The following NME5 variants were observed in gnomAD, a reference collection of about 807,000 sequenced individuals.
NME5 encodes the protein NME/NM23 family member 5.
NME5 carries 18 observed loss-of-function variants against 21.6 expected under a neutral mutation model. The observed-to-expected ratio is 0.83, with a 90% CI of 0.58 to 1.24. NME5 has a LOEUF of 1.24. Ranked by LOEUF, NME5 falls within the 50% of genes most tolerant of loss-of-function variation. NME5 has a pLI of 0.00. For missense variants in NME5, 223 were observed against 255.4 expected, an observed-to-expected ratio of 0.87 and a Z score of 0.86; for synonymous variants, 70 against 80.6, an observed-to-expected ratio of 0.87 and a Z score of 0.71.
Position 138,115,555 on chromosome 5 carries a change from A to G in NME5, c.*126T>C. 1 of 543,090 alleles carries G rather than the reference A, an allele frequency of 1.8e-6. No individual in the cohort carries two copies. The highest frequency in any genetic ancestry group is 3.1e-6 in the Non-Finnish European group (1 of 321,278). The allele number at this position is 543,090 out of a possible 1,614,324, so 33.6% of individuals were successfully genotyped here. A position where few individuals can be genotyped will look rare whatever the true frequency, so the allele number is the denominator to read the frequency against. On this transcript the variant is annotated 3_prime_UTR_variant, in exon 6 of 6. Transcript: ENST00000265191. ...TAGAATAGTTATTCCTTTAACACTT[A>G]TTTTTAAGAAATAAATTTATTTTAC...
At chr5:138,137,649 A>C (rs912587615) in intron 2 of NME5, among the ~76,000 whole-genome samples, 1 of 151,674 alleles carries the variant, frequency 6.6e-6, no homozygotes, top group Admixed American at 6.6e-5. Flanking sequence ...CTGACTGAAT[A>C]AGCAATATGA....
At chr5:138,124,021 A>T (rs1751345091) in intron 4 of NME5, among the ~76,000 whole-genome samples, 1 of 50,186 alleles carries the variant, frequency 2.0e-5, no homozygotes, top group East Asian at 7.7e-4. Flanking sequence ...TTTGAGATGG[A>T]GTCTTGTTCT....
At chr5:138,131,902 C>A (rs1561590889) in intron 2 of NME5, among the ~76,000 whole-genome samples, 1 of 152,078 alleles carries the variant, frequency 6.6e-6, no homozygotes, top group Non-Finnish European at 1.5e-5. Context: ...TGCCACCATG[C>A]CTGGCTAATT....
chr5:138,132,134 C>T (rs909761612), intron 2 of NME5, among the ~76,000 whole-genome samples: 3 of 152,126 alleles, frequency 2.0e-5, no homozygotes, highest in Admixed American at 6.5e-5. Context: ...CCGAGGCAGG[C>T]GGACTGCTTG....
chr5:138,120,273 C>T (rs189829889), intron 4 of NME5, among the ~76,000 whole-genome samples: 1 of 126,266 alleles, frequency 7.9e-6, no homozygotes, highest in Non-Finnish European at 1.6e-5. Context: ...CTTTCTCTGT[C>T]GCCAGGCTGG....
intron 2 of NME5, among the ~76,000 whole-genome samples, chr5:138,130,880 T>G (rs984205168): frequency 2.7e-5 from 4 of 145,624 alleles, no homozygotes; most frequent in African/African-American, 1.0e-4. Context: ...GAGCCAAGAT[T>G]GCACCTCTCC....
chr5:138,121,407 C>T (rs1751282857), intron 4 of NME5, among the ~76,000 whole-genome samples: 1 of 151,866 alleles, frequency 6.6e-6, no homozygotes, highest in Non-Finnish European at 1.5e-5. Context: ...GACAGAGAGA[C>T]ACCCTGTCTC....
intron 2 of NME5, among the ~76,000 whole-genome samples, chr5:138,137,989 AG>A (rs1232310982): frequency 6.6e-6 from 1 of 152,050 alleles, no homozygotes; most frequent in African/African-American, 2.4e-5. Flanking sequence ...TGGGCTACAG[AG>A]GGAGACTCTG....
intron 4 of NME5, among the ~76,000 whole-genome samples, chr5:138,122,543 T>C (rs1334324314): frequency 6.6e-6 from 1 of 151,734 alleles, no homozygotes; most frequent in African/African-American, 2.4e-5. Context: ...TATTGAAGTA[T>C]TACTCATGTA....
rs966977808 is a variant in NME5 at position 138,137,601 on chromosome 5, C to A, written c.129+1051G>T. ...AAAGTGCTGGGATTACAGGCGTGAG[C>A]CACCGTACCCGCCATTTTCTCTTTA... On this transcript the variant is annotated intron_variant, in intron 2 of 5. Transcript: ENST00000265191. 2.0e-5 allele frequency among the ~76,000 whole-genome samples: 3 copies of A among 150,072 alleles called. No homozygotes were observed. The East Asian group carries it at 6.0e-4, about 30-fold the overall frequency.
intron 5 of NME5, chr5:138,116,808 A>G (rs746649227): frequency 1.3e-5 from 2 of 153,796 alleles, no homozygotes; most frequent in Non-Finnish European, 2.9e-5. Context: ...TGGTACTAGG[A>G]CAATTGGATT....
intron 2 of NME5, among the ~76,000 whole-genome samples, chr5:138,137,146 T>C (rs1581388973): frequency 6.6e-6 from 1 of 152,150 alleles, no homozygotes; most frequent in Admixed American, 6.6e-5. Flanking sequence ...TCCAAATTTT[T>C]CAGTGGCTAC....
At chr5:138,122,440 C>CAAAAAAA (rs1360335135) in intron 4 of NME5, among the ~76,000 whole-genome samples, 1 of 20,938 alleles carries the variant, frequency 4.8e-5, no homozygotes, top group Non-Finnish European at 8.0e-5. Context: ...AACTCTGTCT[C>CAAAAAAA]TAAAAAAAAA....
At position 138,136,904 on chromosome 5, in the gene NME5, A is replaced by T. The variant is rs367984986; in HGVS notation, c.129+1748T>A. 1.5e-4 allele frequency among the ~76,000 whole-genome samples: 23 copies of T among 152,062 alleles called. No individual in the cohort carries two copies. In the East Asian group the frequency reaches 4.3e-3, roughly 28 times the overall value. Reference sequence around the variant, plus strand: ...GTGATCAACTCACCTTGGCCTCCCAAAGTTTTGGGATTACAGGCATGAGCC... The same window carrying T: ...GTGATCAACTCACCTTGGCCTCCCATAGTTTTGGGATTACAGGCATGAGCC... On this transcript the variant is annotated intron_variant, in intron 2 of 5. Coordinates refer to ENST00000265191, the MANE Select transcript of NME5 (RefSeq NM_003551.3).
chr5:138,120,547 A>G (rs1328095120), intron 4 of NME5, among the ~76,000 whole-genome samples: 1 of 152,058 alleles, frequency 6.6e-6, no homozygotes, highest in Non-Finnish European at 1.5e-5. Flanking sequence ...CTCTTTTCAC[A>G]TTCTTAATGA....
At chr5:138,137,676 G>A (rs1354335363) in intron 2 of NME5, among the ~76,000 whole-genome samples, 1 of 151,084 alleles carries the variant, frequency 6.6e-6, no homozygotes, top group Non-Finnish European at 1.5e-5. Context: ...ATAAATGGGA[G>A]AAAATAAAAA....
At chr5:138,121,128 A>G (rs894411964) in intron 4 of NME5, among the ~76,000 whole-genome samples, 9 of 151,900 alleles carry the variant, frequency 5.9e-5, no homozygotes, top group Admixed American at 3.9e-4. Flanking sequence ...TGAGTTTGAG[A>G]CCATCTGGGC....
At chr5:138,135,125 G>A (rs1163828335) in intron 2 of NME5, among the ~76,000 whole-genome samples, 1 of 148,372 alleles carries the variant, frequency 6.7e-6, no homozygotes, top group Admixed American at 6.7e-5. Flanking sequence ...GAGACCATCC[G>A]GGCTAACACA....
intron 1 of NME5, chr5:138,139,041 C>A: frequency 4.0e-6 from 1 of 251,978 alleles, no homozygotes. Flanking sequence ...GGACTATGGG[C>A]TCACATAACC....
Sources: gnomAD v4.1 joint callset for allele counts (sites outside exome capture counted in the v4.1 genomes callset) on GRCh38, gnomAD v4.1.1 for gene constraint, MANE v1.5 for transcripts, NCBI Gene and HGNC (gene_info 2026-07-23, HGNC 2026-07-21) for gene names.